Variants in AKAP13 observed in about 807,000 individuals in gnomAD.
The protein encoded by AKAP13 is A-kinase anchoring protein 13, also known as A-kinase anchor protein 13.
A neutral mutation model predicts 264.5 loss-of-function variants in AKAP13; 80 were observed. That is an observed-to-expected ratio of 0.30 (90% CI 0.25 to 0.36). The LOEUF is 0.36. Among genes scored for constraint, AKAP13 ranks in the 10% least tolerant of loss-of-function variants. The pLI is 1.00. For missense variants in AKAP13, 3,712 were observed against 3,435.2 expected, an observed-to-expected ratio of 1.08 and a Z score of -2.01; for synonymous variants, 1,380 against 1,250.2, an observed-to-expected ratio of 1.10 and a Z score of -2.19.
intron 5 of AKAP13, among the ~76,000 whole-genome samples, chr15:85,547,451 T>A (rs2077792729): frequency 6.7e-6 from 1 of 148,834 alleles, no homozygotes; most frequent in Admixed American, 6.6e-5. Context: ...TGATTAGCCA[T>A]TCTTGGACAT....
At chr15:85,384,237 C>T (rs2070436508) in intron 1 of AKAP13, among the ~76,000 whole-genome samples, 1 of 152,182 alleles carries the variant, frequency 6.6e-6, no homozygotes, top group Admixed American at 6.5e-5. Flanking sequence ...CCTGACAAAG[C>T]TAGGCGAAGA....
At chr15:85,554,161 T>C (rs1232003859) in intron 5 of AKAP13, among the ~76,000 whole-genome samples, 1 of 152,336 alleles carries the variant, frequency 6.6e-6, no homozygotes, top group East Asian at 1.9e-4. Context: ...TCCATCTCTT[T>C]GGCCTTAAAA....
intron 6 of AKAP13, among the ~76,000 whole-genome samples, chr15:85,577,429 A>G (rs1321687992): frequency 1.3e-5 from 2 of 152,230 alleles, no homozygotes; most frequent in African/African-American, 4.8e-5. Context: ...TAAAATCACT[A>G]AAGATCACCT....
intron 13 of AKAP13, among the ~76,000 whole-genome samples, chr15:85,669,251 A>G (rs1378482934): frequency 6.6e-5 from 10 of 150,898 alleles, no homozygotes; most frequent in Non-Finnish European, 1.3e-4. Context: ...AAAAATAATA[A>G]TAAATAAAGT....
chr15:85,679,017 G>A (rs945732671), intron 14 of AKAP13, among the ~76,000 whole-genome samples: 1 of 152,048 alleles, frequency 6.6e-6, no homozygotes, highest in Non-Finnish European at 1.5e-5. Context: ...GAGGTGGGCG[G>A]ATCACGAGGT....
intron 1 of AKAP13, among the ~76,000 whole-genome samples, chr15:85,414,934 T>G (rs1162299532): frequency 6.6e-6 from 1 of 152,066 alleles, no homozygotes. Context: ...TATATGCAAT[T>G]GGTGCTTTAG....
chr15:85,614,477 G>A (rs897981312), intron 8 of AKAP13, among the ~76,000 whole-genome samples: 16 of 152,182 alleles, frequency 1.1e-4, no homozygotes, highest in Admixed American at 2.6e-4. Context: ...ATATTGAAAT[G>A]TTGGCAGAGA....
intron 15 of AKAP13, among the ~76,000 whole-genome samples, chr15:85,683,241 C>T (rs1211124242): frequency 2.6e-5 from 4 of 152,182 alleles, no homozygotes; most frequent in Non-Finnish European, 2.9e-5. Context: ...TAAAAACAGA[C>T]TGCTGTATTT....
At chr15:85,574,713 C>G (rs1299306015) in intron 5 of AKAP13, among the ~76,000 whole-genome samples, 1 of 152,122 alleles carries the variant, frequency 6.6e-6, no homozygotes, top group East Asian at 1.9e-4. Context: ...TGGTTCTTCT[C>G]TTGCCATTAT....
intron 1 of AKAP13, among the ~76,000 whole-genome samples, chr15:85,450,468 A>T (rs118090068): frequency 4.0e-5 from 6 of 151,590 alleles, no homozygotes; most frequent in African/African-American, 1.5e-4. Context: ...TTAATTTGAG[A>T]TCTTTCTTTT....
chr15:85,483,194 C>T (rs966330154), intron 1 of AKAP13, among the ~76,000 whole-genome samples: 1 of 152,184 alleles, frequency 6.6e-6, no homozygotes, highest in Non-Finnish European at 1.5e-5. Context: ...TCTTGCAAAT[C>T]ACGAAACATC....
chr15:85,546,321 AACACACACACAC>A (rs60271542), intron 5 of AKAP13, among the ~76,000 whole-genome samples: 21 of 145,286 alleles, frequency 1.4e-4, no homozygotes, highest in East Asian at 4.0e-4. Flanking sequence ...GTTGTTACCA[AACACACACACAC>A]ACACACACAC....
At chr15:85,561,018 T>A (rs557846068) in intron 5 of AKAP13, among the ~76,000 whole-genome samples, 1 of 151,988 alleles carries the variant, frequency 6.6e-6, no homozygotes, top group African/African-American at 2.4e-5. Flanking sequence ...AGATTTTGAT[T>A]TGATAGATGT....
chr15:85,383,232 C>G (rs1464046675), intron 1 of AKAP13, among the ~76,000 whole-genome samples: 2 of 152,080 alleles, frequency 1.3e-5, no homozygotes, highest in African/African-American at 2.4e-5. Flanking sequence ...CTAGTCACAA[C>G]TCTCCCTCCA....
At chr15:85,682,574 A>G (rs2291047) in intron 15 of AKAP13, among the ~76,000 whole-genome samples, 28,589 of 152,126 alleles carry the variant, frequency 0.19, 3,554 homozygotes, top group Middle Eastern at 0.41. Context: ...TGTGTGTGCA[A>G]TTTATAATAG....
rs1174687378 is a variant in AKAP13, at chr15:85,747,067, C to T, written c.*2390C>T. 1 of 152,148 alleles carries T rather than the reference C, an allele frequency of 6.6e-6. No homozygotes were observed. Among genetic ancestry groups the T allele is most frequent in the African/African-American group, 2.4e-5 (1 of 41,414 alleles). The allele number at this position is 152,148 out of a possible 1,614,324, so 9.4% of individuals were successfully genotyped here. A position where few individuals can be genotyped will look rare whatever the true frequency, so the allele number is the denominator to read the frequency against. ...TTTAAAAATAGAGATTTCACATCTG[C>T]CCAGACCCCACTCAAAACGATTTGG... On this transcript the variant is annotated 3_prime_UTR_variant, in exon 37 of 37. Transcript: ENST00000394518.
chr15:85,468,421 C>G (rs2074834526), intron 1 of AKAP13, among the ~76,000 whole-genome samples: 1 of 152,140 alleles, frequency 6.6e-6, no homozygotes. Context: ...GAGGTAATAA[C>G]TCTTTGGAAA....
chr15:85,452,966 T>G (rs1471409137), intron 1 of AKAP13, among the ~76,000 whole-genome samples: 1 of 152,130 alleles, frequency 6.6e-6, no homozygotes, highest in Admixed American at 6.5e-5. Flanking sequence ...CTCAGAGAGA[T>G]GCAGGTGAGC....
intron 11 of AKAP13, 59 bp from the exon 12 acceptor site, chr15:85,658,478 G>A (rs2151527879): frequency 1.4e-6 from 2 of 1,468,920 alleles, no homozygotes; most frequent in Non-Finnish European, 1.9e-6. Flanking sequence ...TATGTTTCAT[G>A]CATTTGTATC....
Sources: allele counts gnomAD v4.1 joint callset (sites outside exome capture counted in the v4.1 genomes callset), GRCh38; gene constraint gnomAD v4.1.1; transcripts MANE v1.5; gene names NCBI Gene and HGNC (gene_info 2026-07-23, HGNC 2026-07-21).